The following GAD2 variants were observed in gnomAD, a reference collection of about 807,000 sequenced individuals.
The protein encoded by GAD2 is glutamate decarboxylase 2.
A neutral mutation model predicts 80.1 loss-of-function variants in GAD2; 22 were observed. The ratio of observed to expected loss-of-function variants is 0.27; its 90% confidence interval spans 0.20 to 0.39. The LOEUF is 0.39. Among genes scored for constraint, GAD2 ranks in the 10% least tolerant of loss-of-function variants. The pLI, the probability that GAD2 is intolerant of heterozygous loss-of-function variation, is 1.00. For synonymous variants in GAD2, 274 were observed against 256.9 expected, an observed-to-expected ratio of 1.07 and a Z score of -0.64; for missense variants, 624 against 738.4, an observed-to-expected ratio of 0.85 and a Z score of 1.80.
At chr10:26,243,902 G>A (rs1428644497) in intron 7 of GAD2, among the ~76,000 whole-genome samples, 1 of 152,192 alleles carries the variant, frequency 6.6e-6, no homozygotes, top group African/African-American at 2.4e-5. Context: ...AGCTGCTGGA[G>A]CTGGTTGATG....
intron 7 of GAD2, among the ~76,000 whole-genome samples, chr10:26,241,688 C>A (rs935603153): frequency 3.3e-5 from 5 of 152,264 alleles, no homozygotes; most frequent in East Asian, 1.9e-4. Context: ...TGAGTGTGCA[C>A]ACACATGTAT....
At chr10:26,222,483 TG>T (rs1844465214) in intron 4 of GAD2, among the ~76,000 whole-genome samples, 2 of 151,518 alleles carry the variant, frequency 1.3e-5, no homozygotes, top group African/African-American at 4.9e-5. Flanking sequence ...CATAATGAAA[TG>T]GGGAGTCAAT....
intron 6 of GAD2, among the ~76,000 whole-genome samples, chr10:26,228,733 C>G (rs1481933509): frequency 6.6e-6 from 1 of 152,154 alleles, no homozygotes; most frequent in African/African-American, 2.4e-5. Flanking sequence ...ATGCTCCTTA[C>G]GAGAATCCAA....
Position 26,218,066 on chromosome 10 carries a change from C to A in GAD2, c.286+75C>A, listed in dbSNP as rs545716739. On this transcript the variant is annotated intron_variant, in intron 3 of 15. Transcript: ENST00000376261. Reference sequence around the variant, plus strand: ...CCGCCCACCGCGGCCGGTGCGGGTCCGGCGCTGAGAGCCGGACAGGGGCGT... The same window carrying A: ...CCGCCCACCGCGGCCGGTGCGGGTCAGGCGCTGAGAGCCGGACAGGGGCGT... 416 of 1,467,326 alleles carry A rather than the reference C, an allele frequency of 2.8e-4. 4 individuals carry two copies. The South Asian group carries it at 3.0e-3, about 11-fold the overall frequency. The allele number at this position is 1,467,326 out of a possible 1,614,324, so 90.9% of individuals were successfully genotyped here. A position where few individuals can be genotyped will look rare whatever the true frequency, so the allele number is the denominator to read the frequency against.
chr10:26,216,901 G>T lies in GAD2; in HGVS notation c.76+16G>T, dbSNP rs1330245091. The T allele has an allele frequency of 4.4e-6, 7 of 1,601,102 alleles. No individual in the cohort carries two copies. Among genetic ancestry groups the T allele is most frequent in the Non-Finnish European group, 6.0e-6 (7 of 1,172,784 alleles). On this transcript the variant is annotated intron_variant, in intron 1 of 15. Coordinates refer to ENST00000376261, the MANE Select transcript of GAD2 (RefSeq NM_001134366.2). The surrounding 1 kb of genome is among the most constrained non-coding windows in gnomAD (Gnocchi z 4.7). ...CCCGGCACAGGTAGGAAGGAGAACG[G>T]GGGCCTGCGGCGGGCGAGTTTTGCG...
chr10:26,224,093 C>T (rs1335362002), intron 5 of GAD2, 116 bp downstream of exon 5: 7 of 686,746 alleles, frequency 1.0e-5, no homozygotes, highest in African/African-American at 1.8e-5. Flanking sequence ...AATAGTGATA[C>T]AAACTTCTGA....
intron 7 of GAD2, among the ~76,000 whole-genome samples, chr10:26,240,309 C>T (rs1190571603): frequency 2.6e-5 from 4 of 152,226 alleles, no homozygotes; most frequent in African/African-American, 9.6e-5. Context: ...CTCACTCACT[C>T]TTAGCTGAAT....
chr10:26,237,455 T>G (rs1053126396), intron 7 of GAD2, among the ~76,000 whole-genome samples: 1 of 151,722 alleles, frequency 6.6e-6, no homozygotes, highest in Non-Finnish European at 1.5e-5. Flanking sequence ...ATGGGAAGGG[T>G]AGTGCACTGC....
At chr10:26,226,272 A>G (rs1250847262) in intron 6 of GAD2, among the ~76,000 whole-genome samples, 3 of 152,186 alleles carry the variant, frequency 2.0e-5, no homozygotes, top group Non-Finnish European at 1.5e-5. Flanking sequence ...ATACACCCAG[A>G]GAAATAATTC....
intron 8 of GAD2, among the ~76,000 whole-genome samples, chr10:26,264,833 T>C (rs990076462): frequency 1.3e-5 from 2 of 152,226 alleles, no homozygotes; most frequent in African/African-American, 2.4e-5. Flanking sequence ...CTTTCTTCTT[T>C]GCACTCACGT....
chr10:26,284,162 T>C (rs1216006059), intron 12 of GAD2, among the ~76,000 whole-genome samples: 1 of 152,212 alleles, frequency 6.6e-6, no homozygotes, highest in African/African-American at 2.4e-5. Flanking sequence ...CATTTGTTTA[T>C]TGGCATCCAA....
intron 8 of GAD2, among the ~76,000 whole-genome samples, chr10:26,264,806 G>A (rs532833197): frequency 1.0e-3 from 152 of 152,286 alleles, no homozygotes; most frequent in Admixed American, 3.3e-3. Flanking sequence ...ATTTCTAGCA[G>A]GAAGGATGTA....
chr10:26,290,957 C>T (rs1291434581), intron 13 of GAD2, among the ~76,000 whole-genome samples: 2 of 152,202 alleles, frequency 1.3e-5, no homozygotes, highest in African/African-American at 4.8e-5. Flanking sequence ...AGTCACATGG[C>T]CCATGATCAT....
At position 26,286,347 on chromosome 10, in the gene GAD2, A is replaced by C. The variant is rs374411469; in HGVS notation, c.1239A>C (p.Gly413=). The change falls in exon 13 of 16, where the codon GGA becomes GGC. Residue 413 remains glycine (G), a splice_region_variant and synonymous_variant. Transcript: ENST00000376261. ...QCSALLVREE[G]LMQNCNQMHA... ...AAATTTTCTCTTCTCTCTTGTAGGG[A>C]TTGATGCAGAATTGCAACCAAATGC... 1.3e-5 allele frequency: 21 copies of C among 1,612,788 alleles called. No homozygotes were observed. Among genetic ancestry groups the C allele is most frequent in the Non-Finnish European group, 1.6e-5 (19 of 1,179,642 alleles).
Position 26,258,034 on chromosome 10 carries a change from T to C in GAD2, c.921-11085T>C, listed in dbSNP as rs561558895. On this transcript the variant is annotated intron_variant, in intron 8 of 15. Transcript: ENST00000376261. The stretch of plus-strand genomic sequence containing the variant: ...GCAGAGAACTCAGGGATGCTAGTCC[T>C]GTGTGTACTTCATTCTGCCCTATCT... 2.0e-5 allele frequency among the ~76,000 whole-genome samples: 3 copies of C among 152,158 alleles called. No homozygotes were observed. In the South Asian group the frequency reaches 6.2e-4, roughly 32 times the overall value.
rs8190591 is a variant in GAD2, at chr10:26,216,843, G to C, written c.34G>C (p.Gly12Arg). Residue 12 changes from glycine to arginine, a missense_variant, in exon 1 of 16, where the codon GGG becomes CGG. Physicochemically the swap from Gly to Arg is moderately radical, Grantham distance 125. Transcript: ENST00000376261. The surrounding 1 kb of genome is among the most constrained non-coding windows in gnomAD (Gnocchi z 4.7). ...ASPGSGFWSF[G>R]SEDGSGDSEN... Reference sequence around the variant, plus strand: ...TCCGGGCTCTGGCTTTTGGTCTTTCGGGTCGGAAGATGGCTCTGGGGATTC... The same window carrying C: ...TCCGGGCTCTGGCTTTTGGTCTTTCCGGTCGGAAGATGGCTCTGGGGATTC... 3.6e-5 allele frequency: 58 copies of C among 1,612,594 alleles called. No individual in the cohort carries two copies. In the Admixed American group the frequency reaches 9.7e-4, roughly 27 times the overall value.
Position 26,292,995 on chromosome 10 carries a change from A to C in GAD2, c.1584+4A>C, listed in dbSNP as rs766913331. The C allele has an allele frequency of 2.1e-5, 34 of 1,607,820 alleles. No individual in the cohort carries two copies. Among genetic ancestry groups the C allele is most frequent in the Non-Finnish European group, 2.8e-5 (33 of 1,174,966 alleles). ...GAGAATGAGTCGCCTCTCGAAGGTC[A>C]GTGCTCCAAGCTCCTCTGATACATG... On this transcript the variant is annotated splice_donor_region_variant and intron_variant, in intron 15 of 15. Coordinates refer to ENST00000376261, the MANE Select transcript of GAD2 (RefSeq NM_001134366.2).
chr10:26,258,679 GT>G (rs1354370987), intron 8 of GAD2, among the ~76,000 whole-genome samples: 3 of 152,126 alleles, frequency 2.0e-5, no homozygotes, highest in African/African-American at 7.2e-5. Flanking sequence ...TGTCCTCAAG[GT>G]TCATCCATGT....
chr10:26,268,951 C>T (rs974979079), intron 8 of GAD2, among the ~76,000 whole-genome samples, 168 bp from the exon 9 acceptor site: 4 of 152,194 alleles, frequency 2.6e-5, no homozygotes, highest in African/African-American at 9.6e-5. Flanking sequence ...AGTCATGCCT[C>T]ATCCAGGCAA....
Sources: allele counts gnomAD v4.1 joint callset (sites outside exome capture counted in the v4.1 genomes callset), GRCh38; gene constraint gnomAD v4.1.1; non-coding constraint Gnocchi (gnomAD v3.1); transcripts MANE v1.5; gene names NCBI Gene and HGNC (gene_info 2026-07-23, HGNC 2026-07-21).